FRMPD2: variants seen among roughly 807,000 people sequenced by gnomAD.
The protein encoded by FRMPD2 is FERM and PDZ domain-containing protein 2.
In FRMPD2, 96 loss-of-function variants were observed where a neutral mutation model predicts 140.1. The observed-to-expected ratio is 0.69, with a 90% CI of 0.58 to 0.81. FRMPD2 has a LOEUF of 0.81. Ranked by LOEUF, FRMPD2 falls within the 40% of genes least tolerant of loss-of-function variation. The pLI, the probability that FRMPD2 is intolerant of heterozygous loss-of-function variation, is 0.00. For missense variants in FRMPD2, 1,240 were observed against 1,447.4 expected (o/e 0.86, Z 2.32); for synonymous variants, 449 against 547.6 (o/e 0.82, Z 2.52).
intron 1 of FRMPD2, among the ~76,000 whole-genome samples, chr10:48,263,782 T>A (rs1283680431): frequency 6.6e-6 from 1 of 152,148 alleles, no homozygotes; most frequent in Non-Finnish European, 1.5e-5. Context: ...AGGGAACATT[T>A]CTTAATTCAT....
intron 1 of FRMPD2, among the ~76,000 whole-genome samples, chr10:48,254,228 G>A (rs749306329): frequency 2.0e-5 from 3 of 152,248 alleles, no homozygotes; most frequent in Non-Finnish European, 4.4e-5. Flanking sequence ...TTTCTGAAGA[G>A]TGCAGGAAGC....
chr10:48,181,785 G>A (rs1043928414), intron 20 of FRMPD2, among the ~76,000 whole-genome samples: 4 of 147,776 alleles, frequency 2.7e-5, no homozygotes, highest in African/African-American at 1.0e-4. Flanking sequence ...GAGATTATAC[G>A]TACAGAAAAG....
intron 9 of FRMPD2, among the ~76,000 whole-genome samples, chr10:48,235,038 T>C (rs1216113839): frequency 6.6e-6 from 1 of 151,946 alleles, no homozygotes; most frequent in African/African-American, 2.4e-5. Context: ...TGAGGGCAGG[T>C]GGCTTGAAGG....
At chr10:48,207,098 A>G (rs1363308812) in intron 13 of FRMPD2, among the ~76,000 whole-genome samples, 165 bp from the exon 14 acceptor site, 1 of 151,440 alleles carries the variant, frequency 6.6e-6, no homozygotes, top group African/African-American at 2.4e-5. Flanking sequence ...TTTATTTGCT[A>G]TGTACAAAAT....
At chr10:48,212,238 C>T in intron 12 of FRMPD2, 129 bp from the exon 13 acceptor site, 1 of 821,660 alleles carries the variant, frequency 1.2e-6, no homozygotes. Context: ...CTCGAGGTGC[C>T]CACCTGGGAT....
At chr10:48,209,275 C>A (rs1839267040) in intron 13 of FRMPD2, among the ~76,000 whole-genome samples, 1 of 152,144 alleles carries the variant, frequency 6.6e-6, no homozygotes, top group Non-Finnish European at 1.5e-5. Flanking sequence ...ATATTAACAA[C>A]CCACAGCTAT....
In FRMPD2 at chr10:48,184,575, G is replaced by A. The variant is rs375582024; in HGVS notation, c.2575C>T (p.Gln859Ter). 1.9e-6 allele frequency: 3 copies of A among 1,601,254 alleles called. No homozygotes were observed. The highest frequency in any genetic ancestry group is 1.7e-5 in the Admixed American group (1 of 59,934). The change falls in exon 20 of 29, where the codon CAG becomes TAG. Residue 859 changes from glutamine (Q) to a stop codon, truncating the protein, a stop_gained. Coordinates refer to ENST00000374201, the MANE Select transcript of FRMPD2 (RefSeq NM_001018071.4). LOFTEE classifies it high-confidence loss of function. ...SPDNIELIIS[Q>*]SKGVGGNNPD... ...GTGGGTTAAAACATACCTTTTGACT[G>A]AGAAATAATTAATTCTATGTTGTCA...
intron 1 of FRMPD2, among the ~76,000 whole-genome samples, chr10:48,263,924 T>C (rs935191049): frequency 1.3e-5 from 2 of 152,172 alleles, no homozygotes; most frequent in African/African-American, 4.8e-5. Flanking sequence ...AATCCAACAA[T>C]GTATAAATAT....
rs1414655124 is a variant in FRMPD2, at chr10:48,226,055, C to A, written c.1169-2785G>T. Among the ~76,000 whole-genome samples the A allele has an allele frequency of 2.0e-5, 3 of 152,056 alleles. No homozygotes were observed. In the East Asian group the frequency reaches 5.8e-4, roughly 29 times the overall value. Reference sequence around the variant, plus strand: ...CATAGACTTTCCAAACATAATTCACCCCATGAATTTTTAAGCTTATGGACA... The same window carrying A: ...CATAGACTTTCCAAACATAATTCACACCATGAATTTTTAAGCTTATGGACA... On this transcript the variant is annotated intron_variant, in intron 10 of 28. Transcript: ENST00000374201.
intron 21 of FRMPD2, among the ~76,000 whole-genome samples, chr10:48,180,125 G>C (rs1162918752): frequency 6.6e-6 from 1 of 152,036 alleles, no homozygotes; most frequent in East Asian, 1.9e-4. Context: ...CTGCCACCCT[G>C]TCCTCACTCA....
At chr10:48,199,978 A>G (rs1021240873) in intron 15 of FRMPD2, 3 of 152,104 alleles carry the variant, frequency 2.0e-5, no homozygotes, top group Admixed American at 6.6e-5. Flanking sequence ...TCTCCACTGA[A>G]GCAGCCGAGA....
chr10:48,163,041 A>T (rs1404606516), intron 28 of FRMPD2, among the ~76,000 whole-genome samples: 1 of 145,986 alleles, frequency 6.8e-6, no homozygotes, highest in African/African-American at 2.6e-5. Context: ...GGAAGATACA[A>T]GAGAAAGGTT....
intron 24 of FRMPD2, among the ~76,000 whole-genome samples, chr10:48,174,471 G>C (rs1255679081): frequency 5.3e-5 from 8 of 152,186 alleles, no homozygotes; most frequent in Admixed American, 1.3e-4. Flanking sequence ...AGGGAACGGA[G>C]TGGGGTCATC....
chr10:48,243,048 G>T (rs1010834978), intron 4 of FRMPD2, among the ~76,000 whole-genome samples: 2 of 152,170 alleles, frequency 1.3e-5, no homozygotes, highest in South Asian at 2.1e-4. Flanking sequence ...CTGCACTACC[G>T]CTTCTTGCTG....
Position 48,223,424 on chromosome 10 carries a change from C to T in FRMPD2, c.1169-154G>A, listed in dbSNP as rs1444990373. Among the ~76,000 whole-genome samples, 8 of 152,098 alleles carry T rather than the reference C, an allele frequency of 5.3e-5. No individual in the cohort carries two copies. The South Asian group carries it at 1.0e-3, about 20-fold the overall frequency. ...TCTTTGCGTACCTGGTAGCAAGGAACCTTTGTTGGGGTCATGGGGTGTCAA... is the reference window on the plus strand; with the variant it reads ...TCTTTGCGTACCTGGTAGCAAGGAATCTTTGTTGGGGTCATGGGGTGTCAA... On this transcript the variant is annotated intron_variant, in intron 10 of 28. Coordinates refer to ENST00000374201, the MANE Select transcript of FRMPD2 (RefSeq NM_001018071.4).
intron 14 of FRMPD2, among the ~76,000 whole-genome samples, chr10:48,203,702 G>A (rs762802669): frequency 6.6e-6 from 1 of 151,934 alleles, no homozygotes; most frequent in Non-Finnish European, 1.5e-5. Context: ...CATTTTTCTA[G>A]GCAGGGGAGA....
chr10:48,264,729 T>C (rs1223211476), intron 1 of FRMPD2, among the ~76,000 whole-genome samples: 1 of 152,166 alleles, frequency 6.6e-6, no homozygotes, highest in African/African-American at 2.4e-5. Context: ...TCATTTATTC[T>C]CAACTCGGTC....
In FRMPD2 at chr10:48,178,394, T is replaced by C. The variant is rs552198078; in HGVS notation, c.2791-243A>G. On this transcript the variant is annotated intron_variant, in intron 21 of 28. Transcript: ENST00000374201. ...CACTTCTAGGCAGAGAATGCTTGGG[T>C]CACTGTTCATGTTCTGCTGTCCCTC... 1.3e-4 allele frequency among the ~76,000 whole-genome samples: 20 copies of C among 152,234 alleles called. No individual in the cohort carries two copies. In the East Asian group the frequency reaches 3.9e-3, roughly 29 times the overall value.
intron 15 of FRMPD2, among the ~76,000 whole-genome samples, chr10:48,193,779 C>T (rs1277330440): frequency 6.6e-6 from 1 of 152,046 alleles, no homozygotes; most frequent in Non-Finnish European, 1.5e-5. Flanking sequence ...ACATGCACTT[C>T]TAGAGCCTGG....
Sources: allele counts gnomAD v4.1 joint callset (sites outside exome capture counted in the v4.1 genomes callset), GRCh38; gene constraint gnomAD v4.1.1; transcripts MANE v1.5; gene names NCBI Gene and HGNC (gene_info 2026-07-23, HGNC 2026-07-21).